ZNF385D: variants seen among roughly 807,000 people sequenced by gnomAD.
ZNF385D encodes zinc finger protein 659.
A neutral mutation model predicts 35.8 loss-of-function variants in ZNF385D; 15 were observed. The observed-to-expected ratio is 0.42, with a 90% CI of 0.28 to 0.64. The LOEUF is 0.64. ZNF385D is among the 30% of genes least tolerant of loss of function. ZNF385D has a pLI of 0.23. For missense variants in ZNF385D, 474 were observed against 494.6 expected (o/e 0.96, Z 0.39); for synonymous variants, 212 against 186.8 (o/e 1.13, Z -1.10).
At chr3:21,993,506 A>G (rs570779985) in intron 3 of ZNF385D, among the ~76,000 whole-genome samples, 5 of 152,222 alleles carry the variant, frequency 3.3e-5, no homozygotes, top group Non-Finnish European at 5.9e-5. Context: ...ACTTCCCACA[A>G]AAACATACTG....
chr3:21,993,763 A>G (rs1456674481), intron 3 of ZNF385D, among the ~76,000 whole-genome samples: 1 of 152,194 alleles, frequency 6.6e-6, no homozygotes, highest in Non-Finnish European at 1.5e-5. Context: ...GCAGAGAAAA[A>G]AAATTGCTTC....
At chr3:22,272,680 C>A (rs1701237558) in intron 2 of ZNF385D, among the ~76,000 whole-genome samples, 1 of 152,000 alleles carries the variant, frequency 6.6e-6, no homozygotes, top group South Asian at 2.1e-4. Flanking sequence ...AGGATATTGT[C>A]AGAAAATTTA....
chr3:22,005,742 A>G (rs1281986471), intron 3 of ZNF385D, among the ~76,000 whole-genome samples: 2 of 152,078 alleles, frequency 1.3e-5, no homozygotes, highest in Admixed American at 1.3e-4. Flanking sequence ...TAAAGGAAGG[A>G]TCCATTACAC....
chr3:22,016,931 A>G lies in ZNF385D; in HGVS notation c.325+151886T>C, dbSNP rs188201064. 1.0e-2 allele frequency among the ~76,000 whole-genome samples: 1,429 copies of G among 143,144 alleles called. 22 individuals carry two copies. Among genetic ancestry groups the G allele is most frequent in the African/African-American group, 0.036 (1,335 of 36,700 alleles). 93.9% of individuals were successfully genotyped at this position (143,144 alleles called of 152,430 possible). A position where few individuals can be genotyped will look rare whatever the true frequency, so the allele number is the denominator to read the frequency against. On this transcript the variant is annotated intron_variant, in intron 3 of 5. Transcript: ENST00000494108. ...ATCTATCTATCCTGTCCATCCATCCATCGGACACACACACACACACACACA... is the reference window on the plus strand; with the variant it reads ...ATCTATCTATCCTGTCCATCCATCCGTCGGACACACACACACACACACACA...
intron 3 of ZNF385D, among the ~76,000 whole-genome samples, chr3:21,558,836 G>A (rs188010185): frequency 2.0e-5 from 3 of 152,162 alleles, no homozygotes; most frequent in East Asian, 3.9e-4. Context: ...TTTATTGGGT[G>A]TATATATAAT....
At chr3:22,030,304 C>CATATATATATATATATATTT (rs1553591410) in intron 3 of ZNF385D, among the ~76,000 whole-genome samples, 1 of 36,040 alleles carries the variant, frequency 2.8e-5, no homozygotes, top group Non-Finnish European at 5.1e-5. Context: ...TATATATATC[C>CATATATATATATATATATTT]TATTTGGTCC....
rs1322851392 is a variant in ZNF385D, at chr3:21,952,775, TTAATA to T, written c.325+216037_325+216041del. Among the ~76,000 whole-genome samples, 4 of 152,104 alleles carry T rather than the reference TTAATA, an allele frequency of 2.6e-5. No individual in the cohort carries two copies. In the East Asian group the frequency reaches 7.7e-4, roughly 29 times the overall value. On this transcript the variant is annotated intron_variant, in intron 3 of 5. Transcript: ENST00000494108. Reference sequence around the variant, plus strand: ...AATAGTATAAAAATGTAACTGCTACTTAATATATTTTATGATTCTTTCAAAAAAGT... The same window carrying T: ...AATAGTATAAAAATGTAACTGCTACTTATTTTATGATTCTTTCAAAAAAGT...
chr3:22,257,698 T>A (rs1018526465), intron 2 of ZNF385D, among the ~76,000 whole-genome samples: 2 of 151,876 alleles, frequency 1.3e-5, no homozygotes, highest in Admixed American at 1.3e-4. Flanking sequence ...CCACAATGCC[T>A]TTTAAATATT....
rs188414045 is a variant in ZNF385D at position 21,667,653 on chromosome 3, T to G, written c.23-2625A>C. Among the ~76,000 whole-genome samples, 323 of 152,326 alleles carry G rather than the reference T, an allele frequency of 2.1e-3. 4 individuals are homozygous for G. The highest frequency in any genetic ancestry group is 6.2e-4 in the Non-Finnish European group (42 of 68,038). ...CCGCAGAAAATACCATGCTTATAAT[T>G]ACAAGAATGCAATTTAGCAAGAAAA... On this transcript the variant is annotated intron_variant, in intron 1 of 7. Transcript: ENST00000281523.
intron 3 of ZNF385D, among the ~76,000 whole-genome samples, chr3:21,560,977 A>T (rs1392873938): frequency 6.6e-6 from 1 of 152,064 alleles, no homozygotes; most frequent in African/African-American, 2.4e-5. Context: ...AGCTTCAGCA[A>T]TGGTGGACAC....
intron 3 of ZNF385D, among the ~76,000 whole-genome samples, chr3:21,951,816 C>T (rs535265056): frequency 6.6e-6 from 1 of 151,612 alleles, no homozygotes; most frequent in South Asian, 2.1e-4. Flanking sequence ...GGATTCTCCC[C>T]CACTCTTGAG....
At chr3:22,323,464 A>T (rs1469432325) in intron 2 of ZNF385D, among the ~76,000 whole-genome samples, 5 of 152,280 alleles carry the variant, frequency 3.3e-5, no homozygotes, top group Middle Eastern at 3.4e-3. Context: ...ATGTAAACAC[A>T]ATTTCTGCTA....
At chr3:22,267,320 A>C (rs1296159426) in intron 2 of ZNF385D, among the ~76,000 whole-genome samples, 1 of 151,960 alleles carries the variant, frequency 6.6e-6, no homozygotes, top group Admixed American at 6.6e-5. Flanking sequence ...TCATAACCTA[A>C]GACAATAAAC....
chr3:21,806,671 T>C (rs894588407), intron 3 of ZNF385D, among the ~76,000 whole-genome samples: 4 of 152,168 alleles, frequency 2.6e-5, no homozygotes, highest in Admixed American at 1.3e-4. Context: ...AGAAAACATA[T>C]GTTATATAGT....
intron 3 of ZNF385D, among the ~76,000 whole-genome samples, chr3:21,806,382 T>C (rs78761649): frequency 0.038 from 5,781 of 152,066 alleles, 462 homozygotes; most frequent in East Asian, 0.3. Flanking sequence ...TTTGTTGTTA[T>C]TTTTAGTAGA....
At chr3:21,884,258 A>G (rs540010537) in intron 3 of ZNF385D, among the ~76,000 whole-genome samples, 1 of 152,052 alleles carries the variant, frequency 6.6e-6, no homozygotes, top group African/African-American at 2.4e-5. Flanking sequence ...GTTAAACTGA[A>G]ATTATCAGGC....
chr3:21,910,618 G>A (rs10510519), intron 3 of ZNF385D, among the ~76,000 whole-genome samples: 10,415 of 151,674 alleles, frequency 0.069, 486 homozygotes, highest in South Asian at 0.21. Context: ...ACCTATAATC[G>A]TTGTATCTCA....
chr3:21,773,526 A>G (rs2071163161), intron 3 of ZNF385D, among the ~76,000 whole-genome samples: 3 of 152,012 alleles, frequency 2.0e-5, no homozygotes. Context: ...TCCATCTGAC[A>G]AAAGTCTAAT....
chr3:22,290,888 A>G (rs1436878580), intron 2 of ZNF385D, among the ~76,000 whole-genome samples: 1 of 152,130 alleles, frequency 6.6e-6, no homozygotes, highest in Non-Finnish European at 1.5e-5. Flanking sequence ...CCATTTGCCA[A>G]GATTTCCTAA....
Sources: gnomAD v4.1 joint callset for allele counts (sites outside exome capture counted in the v4.1 genomes callset) on GRCh38, gnomAD v4.1.1 for gene constraint, MANE v1.5 for transcripts, NCBI Gene and HGNC (gene_info 2026-07-23, HGNC 2026-07-21) for gene names.